Variants in EPM2A observed in about 807,000 individuals in gnomAD.
EPM2A encodes EPM2A glucan phosphatase, laforin.
EPM2A carries 21 observed loss-of-function variants against 26.5 expected under a neutral mutation model. The ratio of observed to expected loss-of-function variants is 0.79; its 90% CI spans 0.56 to 1.14. The LOEUF is 1.14. Ranked by LOEUF, EPM2A falls within the 50% of genes most tolerant of loss-of-function variation. The pLI is 0.00. For synonymous variants in EPM2A, 217 were observed against 177.6 expected (o/e 1.22, Z -1.76); for missense variants, 458 against 440.8 (o/e 1.04, Z -0.35).
chr6:145,518,324 G>A (rs1780157325), intron 2 of EPM2A, among the ~76,000 whole-genome samples: 1 of 151,918 alleles, frequency 6.6e-6, no homozygotes, highest in Non-Finnish European at 1.5e-5. Flanking sequence ...ATTTATTTTG[G>A]GCACCTTAAT....
At chr6:145,402,149 A>G (rs9376927) in intron 4 of EPM2A, among the ~76,000 whole-genome samples, 57,057 of 151,984 alleles carry the variant, frequency 0.38, 10,977 homozygotes, top group South Asian at 0.46. Flanking sequence ...TTGTAAATGG[A>G]AGAAAGCTGG....
downstream of EPM2A, among the ~76,000 whole-genome samples, chr6:145,620,733 T>C (rs1775615659): frequency 6.6e-6 from 1 of 152,176 alleles, no homozygotes; most frequent in African/African-American, 2.4e-5. Context: ...TTTTCTCCTT[T>C]ATAATCCACA....
At chr6:145,560,451 A>G (rs1780788946) in intron 2 of EPM2A, among the ~76,000 whole-genome samples, 1 of 152,172 alleles carries the variant, frequency 6.6e-6, no homozygotes, top group East Asian at 1.9e-4. Context: ...TCTGCAAGCG[A>G]GGTAAACTCA....
intron 4 of EPM2A, among the ~76,000 whole-genome samples, chr6:145,457,328 A>G (rs1404515433): frequency 6.6e-6 from 1 of 151,924 alleles, no homozygotes; most frequent in East Asian, 1.9e-4. Context: ...TACTGAAAAA[A>G]CAAACATTAG....
chr6:145,522,212 A>C (rs1169703903), intron 2 of EPM2A, among the ~76,000 whole-genome samples: 2 of 152,106 alleles, frequency 1.3e-5, no homozygotes, highest in African/African-American at 4.8e-5. Flanking sequence ...TCAGCCTCCC[A>C]AAGTGCTGGG....
At chr6:145,592,306 C>T (rs867045348) in intron 2 of EPM2A, among the ~76,000 whole-genome samples, 57 of 151,868 alleles carry the variant, frequency 3.8e-4, no homozygotes, top group Non-Finnish European at 1.9e-4. Context: ...TGATGGCTTC[C>T]GGCTTCATCC....
At chr6:145,644,448 A>T (rs554605912) in intron 2 of EPM2A, among the ~76,000 whole-genome samples, 2 of 152,138 alleles carry the variant, frequency 1.3e-5, no homozygotes, top group Non-Finnish European at 2.9e-5. Flanking sequence ...GAAAAGCTGC[A>T]TAAGTTTTTT....
intron 2 of EPM2A, among the ~76,000 whole-genome samples, chr6:145,507,590 G>A (rs1354293226): frequency 6.6e-6 from 1 of 152,214 alleles, no homozygotes; most frequent in Non-Finnish European, 1.5e-5. Flanking sequence ...CCAAGAGGAG[G>A]ATGCCATTTT....
chr6:145,414,674 A>G (rs1320878849), intron 4 of EPM2A, among the ~76,000 whole-genome samples: 1 of 151,956 alleles, frequency 6.6e-6, no homozygotes, highest in Non-Finnish European at 1.5e-5. Flanking sequence ...TAACATCACC[A>G]TTTACTCTCT....
At chr6:145,546,693 G>T (rs1780587181) in intron 2 of EPM2A, among the ~76,000 whole-genome samples, 1 of 152,084 alleles carries the variant, frequency 6.6e-6, no homozygotes, top group Non-Finnish European at 1.5e-5. Context: ...CCAGTGTTTT[G>T]TCATAATAAA....
chr6:145,443,093 G>A (rs1421992391), intron 4 of EPM2A, among the ~76,000 whole-genome samples: 3 of 151,760 alleles, frequency 2.0e-5, no homozygotes, highest in East Asian at 1.9e-4. Flanking sequence ...TGATGGTCTC[G>A]ATCTCCTGAC....
chr6:145,694,504 G>A (rs1199812860), intron 1 of EPM2A, among the ~76,000 whole-genome samples: 1 of 151,972 alleles, frequency 6.6e-6, no homozygotes, highest in Admixed American at 6.6e-5. Context: ...GCTGAGTTCA[G>A]GGGTAGTCTT....
At chr6:145,681,076 T>C (rs569353211) in intron 2 of EPM2A, among the ~76,000 whole-genome samples, 20 of 152,354 alleles carry the variant, frequency 1.3e-4, no homozygotes, top group African/African-American at 2.6e-4. Context: ...TCTTGAATGA[T>C]TGCAATTCTA....
Position 145,626,790 on chromosome 6 carries a change from A to G in EPM2A, c.*626T>C. 1.0e-6 allele frequency: 1 copy of G among 986,026 alleles called. No individual in the cohort carries two copies. Among genetic ancestry groups the G allele is most frequent in the Non-Finnish European group, 1.2e-6 (1 of 830,378 alleles). 61.1% of individuals were successfully genotyped at this position (986,026 alleles called of 1,614,324 possible). ...TAATTTTGAGGAAAAACAACAACAA[A>G]TGAGAGATAATTCTACTTTAGTTGT... On this transcript the variant is annotated 3_prime_UTR_variant, in exon 4 of 4. Coordinates refer to ENST00000367519, the MANE Select transcript of EPM2A (RefSeq NM_005670.4).
intron 4 of EPM2A, among the ~76,000 whole-genome samples, chr6:145,390,660 G>A (rs966291429): frequency 6.7e-5 from 10 of 149,120 alleles, no homozygotes; most frequent in African/African-American, 2.5e-4. Flanking sequence ...TTATTCTCTG[G>A]CTTTTACTCT....
chr6:145,523,028 A>G (rs961431649), intron 2 of EPM2A, among the ~76,000 whole-genome samples: 2 of 152,162 alleles, frequency 1.3e-5, no homozygotes, highest in Admixed American at 6.5e-5. Flanking sequence ...ATGCACCAAT[A>G]TGTCACCAAA....
chr6:145,616,539 C>T (rs1775516982), intron 2 of EPM2A, among the ~76,000 whole-genome samples: 1 of 152,206 alleles, frequency 6.6e-6, no homozygotes, highest in South Asian at 2.1e-4. Flanking sequence ...GGGCCACAGT[C>T]CTCCAGACCC....
chr6:145,396,261 C>T (rs1386754169), intron 4 of EPM2A, among the ~76,000 whole-genome samples: 2 of 152,156 alleles, frequency 1.3e-5, no homozygotes, highest in African/African-American at 4.8e-5. Context: ...GCTCAACCCA[C>T]TACCCCTCCT....
chr6:145,390,283 C>G (rs1003734895), intron 4 of EPM2A, among the ~76,000 whole-genome samples: 1 of 151,400 alleles, frequency 6.6e-6, no homozygotes, highest in Non-Finnish European at 1.5e-5. Flanking sequence ...CTGCTTTACT[C>G]AAAATTCACC....
Sources: allele counts gnomAD v4.1 joint callset (sites outside exome capture counted in the v4.1 genomes callset), GRCh38; gene constraint gnomAD v4.1.1; transcripts MANE v1.5; gene names NCBI Gene and HGNC (gene_info 2026-07-23, HGNC 2026-07-21).